Variants in ASCC3 observed in about 807,000 individuals in gnomAD.
ASCC3 encodes the protein activating signal cointegrator 1 complex subunit 3, also known as ASC-1 complex subunit P200.
In ASCC3, 158 loss-of-function variants were observed where a neutral mutation model predicts 256.3. That is an observed-to-expected ratio of 0.62 (90% CI 0.54 to 0.70). ASCC3 has a LOEUF of 0.70. Ranked by LOEUF, ASCC3 falls within the 30% of genes least tolerant of loss-of-function variation. ASCC3 has a pLI of 0.00. For missense variants in ASCC3, 2,259 were observed against 2,626.0 expected, an observed-to-expected ratio of 0.86 and a Z score of 3.05; for synonymous variants, 948 against 883.4, an observed-to-expected ratio of 1.07 and a Z score of -1.30.
Position 100,652,826 on chromosome 6 carries a change from T to C in ASCC3, c.2887A>G (p.Lys963Glu). 1 of 1,613,968 alleles carries C rather than the reference T, an allele frequency of 6.2e-7. No homozygotes were observed. Among genetic ancestry groups the C allele is most frequent in the Non-Finnish European group, 8.5e-7 (1 of 1,179,926 alleles). The change falls in exon 18 of 42, where the codon AAA (lysine) becomes GAA (glutamate). Residue 963 changes from lysine to glutamate, a missense_variant. This residue lies in a region of ASCC3 where 1,839 missense variants were observed against 2,206.7 expected (regional missense o/e 0.83). Transcript: ENST00000369162. ...LVIEVGRKLD[K>E]AQMIRFEERT... Reference sequence around the variant, plus strand: ...TCCTCAAAACGAATCATCTGAGCTTTGTCTAGTTTTCGTCCAACTTCAATG... The same window carrying C: ...TCCTCAAAACGAATCATCTGAGCTTCGTCTAGTTTTCGTCCAACTTCAATG...
intron 4 of ASCC3, among the ~76,000 whole-genome samples, chr6:100,822,644 C>T (rs1019499914): frequency 3.7e-4 from 56 of 152,066 alleles, no homozygotes; most frequent in African/African-American, 9.9e-4. Context: ...AGGTTAAGAC[C>T]GGTACTAAAG....
At chr6:100,688,039 G>C (rs1777666916) in intron 13 of ASCC3, among the ~76,000 whole-genome samples, 1 of 151,584 alleles carries the variant, frequency 6.6e-6, no homozygotes, top group Non-Finnish European at 1.5e-5. Flanking sequence ...AGAAATACCT[G>C]AAAAATTATT....
chr6:100,580,132 GTTGTTGGTGTACAGAAA>G (rs1771133395), intron 36 of ASCC3, among the ~76,000 whole-genome samples: 1 of 151,712 alleles, frequency 6.6e-6, no homozygotes, highest in African/African-American at 2.4e-5. Flanking sequence ...CAGCTTGAAT[GTTGTTGGTGTACAGAAA>G]TTCTACTGAT....
intron 36 of ASCC3, among the ~76,000 whole-genome samples, chr6:100,544,006 CCAATGACAGA>C (rs1226328090): frequency 6.6e-6 from 1 of 151,892 alleles, no homozygotes; most frequent in Non-Finnish European, 1.5e-5. Flanking sequence ...AAATGAGAAA[CCAATGACAGA>C]CAGATCTCTG....
At chr6:100,614,930 A>T (rs1009682518) in intron 30 of ASCC3, among the ~76,000 whole-genome samples, 2 of 152,154 alleles carry the variant, frequency 1.3e-5, no homozygotes, top group African/African-American at 4.8e-5. Context: ...TACCTTTTTC[A>T]ACTATCTTCA....
chr6:100,593,999 C>T (rs115989603), intron 34 of ASCC3, among the ~76,000 whole-genome samples: 136 of 151,876 alleles, frequency 9.0e-4, no homozygotes, highest in African/African-American at 3.2e-3. Context: ...TCTTTATATG[C>T]ATATATACAT....
chr6:100,873,234 A>C (rs1365129984), intron 1 of ASCC3, among the ~76,000 whole-genome samples: 1 of 152,148 alleles, frequency 6.6e-6, no homozygotes, highest in Non-Finnish European at 1.5e-5. Context: ...GAAATGCAAA[A>C]TCCTCTGGAA....
At chr6:100,692,201 CT>C (rs1230788099) in intron 13 of ASCC3, among the ~76,000 whole-genome samples, 1 of 152,028 alleles carries the variant, frequency 6.6e-6, no homozygotes, top group East Asian at 1.9e-4. Flanking sequence ...TATCATATCT[CT>C]GGTATGACTT....
chr6:100,732,744 T>A (rs1344679021), intron 10 of ASCC3, among the ~76,000 whole-genome samples: 2 of 151,790 alleles, frequency 1.3e-5, no homozygotes, highest in African/African-American at 4.8e-5. Context: ...AAACTCTCTC[T>A]CACACAATGT....
chr6:100,590,509 C>T (rs896970395), intron 34 of ASCC3, among the ~76,000 whole-genome samples: 12 of 152,122 alleles, frequency 7.9e-5, no homozygotes, highest in Admixed American at 2.0e-4. Flanking sequence ...CAAGGGACTA[C>T]ACCCATAATC....
intron 4 of ASCC3, among the ~76,000 whole-genome samples, chr6:100,832,572 T>C (rs1172815797): frequency 2.0e-5 from 3 of 152,046 alleles, no homozygotes; most frequent in South Asian, 2.1e-4. Flanking sequence ...TAAATCATTT[T>C]TAACTTAAAA....
intron 33 of ASCC3, among the ~76,000 whole-genome samples, chr6:100,605,304 G>A (rs1486048140): frequency 6.6e-6 from 1 of 152,116 alleles, no homozygotes; most frequent in East Asian, 1.9e-4. Flanking sequence ...CAAGTAAATG[G>A]TAGAGCTCAG....
intron 14 of ASCC3, among the ~76,000 whole-genome samples, chr6:100,668,837 G>A (rs982433213): frequency 6.6e-6 from 1 of 151,750 alleles, no homozygotes; most frequent in Non-Finnish European, 1.5e-5. Flanking sequence ...TTGACAAAAG[G>A]CTACATTCAG....
chr6:100,613,638 T>C (rs1361608943), intron 30 of ASCC3, among the ~76,000 whole-genome samples: 1 of 152,188 alleles, frequency 6.6e-6, no homozygotes, highest in Non-Finnish European at 1.5e-5. Context: ...GCAATAAATA[T>C]ATGAGTGCAG....
At chr6:100,581,489 T>C (rs1247050786) in intron 36 of ASCC3, among the ~76,000 whole-genome samples, 1 of 152,194 alleles carries the variant, frequency 6.6e-6, no homozygotes, top group African/African-American at 2.4e-5. Context: ...ATTAGCCTTT[T>C]GTCAGATGAG....
chr6:100,807,270 A>C (rs1021770403), intron 4 of ASCC3, among the ~76,000 whole-genome samples: 1 of 151,910 alleles, frequency 6.6e-6, no homozygotes, highest in African/African-American at 2.4e-5. Flanking sequence ...GAAATATGAA[A>C]GTAAATATAT....
At chr6:100,736,975 C>T (rs766820647) in intron 10 of ASCC3, among the ~76,000 whole-genome samples, 63 of 152,076 alleles carry the variant, frequency 4.1e-4, no homozygotes, top group Non-Finnish European at 7.6e-4. Flanking sequence ...CAGTGAAACC[C>T]CAACTCTACT....
At chr6:100,878,794 C>A (rs75171865) in intron 1 of ASCC3, among the ~76,000 whole-genome samples, 1,930 of 152,332 alleles carry the variant, frequency 0.013, 20 homozygotes, top group East Asian at 0.045. Flanking sequence ...ACCATCAACA[C>A]AGAAGATGTC....
At chr6:100,726,392 C>T (rs1410297834) in intron 10 of ASCC3, among the ~76,000 whole-genome samples, 1 of 151,950 alleles carries the variant, frequency 6.6e-6, no homozygotes, top group African/African-American at 2.4e-5. Context: ...TCACCACCAA[C>T]TTAGAACAGT....
Sources: gnomAD v4.1 joint callset for allele counts (sites outside exome capture counted in the v4.1 genomes callset) on GRCh38, gnomAD v4.1.1 for gene constraint, gnomAD v4.1.1 regional missense constraint, MANE v1.5 for transcripts, NCBI Gene and HGNC (gene_info 2026-07-23, HGNC 2026-07-21) for gene names.